The following PHACTR2 variants were observed in gnomAD, a reference collection of about 807,000 sequenced individuals.
PHACTR2 encodes the protein phosphatase and actin regulator 2.
In PHACTR2, 30 loss-of-function variants were observed where a neutral mutation model predicts 76.0. The ratio of observed to expected loss-of-function variants is 0.39; its 90% CI spans 0.30 to 0.54. PHACTR2 has a LOEUF of 0.54. PHACTR2 is among the 20% of genes least tolerant of loss of function. The pLI, the probability that PHACTR2 is intolerant of heterozygous loss-of-function variation, is 0.61. For synonymous variants in PHACTR2, 292 were observed against 292.5 expected (o/e 1.00, Z 0.02); for missense variants, 696 against 781.1 (o/e 0.89, Z 1.30).
rs1282482670 is a variant in PHACTR2, at chr6:143,742,277, A to G, written c.215-6708A>G. Reference sequence around the variant, plus strand: ...GGTTGGATCCAGGTGCTTACAAGCTATCTCATTAAGAACCTGTCTCGCTCC... The same window carrying G: ...GGTTGGATCCAGGTGCTTACAAGCTGTCTCATTAAGAACCTGTCTCGCTCC... On this transcript the variant is annotated intron_variant, in intron 2 of 12. Coordinates refer to ENST00000440869, the MANE Select transcript of PHACTR2 (RefSeq NM_001100164.2). This position sits in a 1 kb window ranked among gnomAD's most constrained non-coding sequence, Gnocchi z 4.5. Among the ~76,000 whole-genome samples, 3 of 152,146 alleles carry G rather than the reference A, an allele frequency of 2.0e-5. No homozygotes were observed. The highest frequency in any genetic ancestry group is 4.4e-5 in the Non-Finnish European group (3 of 68,036).
At position 143,707,738 on chromosome 6, in the gene PHACTR2, G is replaced by A. The variant is rs1454408537; in HGVS notation, c.47-4278G>A. Among the ~76,000 whole-genome samples the A allele has an allele frequency of 3.9e-5, 6 of 152,156 alleles. No homozygotes were observed. In the South Asian group the frequency reaches 6.2e-4, roughly 16 times the overall value. ...TTCATATGTATATTAGTCTGTTCTCGCACTGCTGTAAAGAAATACCAGAGA... is the reference window on the plus strand; with the variant it reads ...TTCATATGTATATTAGTCTGTTCTCACACTGCTGTAAAGAAATACCAGAGA... On this transcript the variant is annotated intron_variant, in intron 1 of 12. Transcript: ENST00000440869.
chr6:143,781,227 A>T (rs1043035345), intron 9 of PHACTR2, among the ~76,000 whole-genome samples: 1 of 152,220 alleles, frequency 6.6e-6, no homozygotes, highest in South Asian at 2.1e-4. Context: ...ACTTAAAGAA[A>T]TCAGTTTCTG....
In PHACTR2 at chr6:143,765,916, T is replaced by G; in HGVS notation, c.1232+118T>G. Reference sequence around the variant, plus strand: ...ATAATTTAATCTACTGAGTGTTAGGTAGGCATACATGTGATCCAACCATTG... The same window carrying G: ...ATAATTTAATCTACTGAGTGTTAGGGAGGCATACATGTGATCCAACCATTG... On this transcript the variant is annotated intron_variant, in intron 6 of 12. Coordinates refer to ENST00000440869, the MANE Select transcript of PHACTR2 (RefSeq NM_001100164.2). This position sits in a 1 kb window ranked among gnomAD's most constrained non-coding sequence, Gnocchi z 4.1. 1 of 822,412 alleles carries G rather than the reference T, an allele frequency of 1.2e-6. No individual in the cohort carries two copies. The highest frequency in any genetic ancestry group is 1.9e-6 in the Non-Finnish European group (1 of 531,620). The allele number at this position is 822,412 out of a possible 1,614,324, so 50.9% of individuals were successfully genotyped here.
chr6:143,785,508 A>G (rs1250777307), intron 10 of PHACTR2, among the ~76,000 whole-genome samples: 1 of 152,096 alleles, frequency 6.6e-6, no homozygotes, highest in Non-Finnish European at 1.5e-5. Context: ...TGGTGGATCT[A>G]CCATTCTGGG....
rs577641653 is a variant in PHACTR2, at chr6:143,540,667, G to A, written c.217+3460G>A. ...AGGGATTTTATTTAATTTGTGGCTT[G>A]AGGAATTTTTCACATAAGAATGCAA... On this transcript the variant is annotated intron_variant, in intron 1 of 11. Transcript: ENST00000367584. 4.0e-3 allele frequency among the ~76,000 whole-genome samples: 607 copies of A among 151,428 alleles called. 5 individuals carry two copies. The highest frequency in any genetic ancestry group is 6.0e-3 in the Non-Finnish European group (410 of 67,934).
intron 2 of PHACTR2, among the ~76,000 whole-genome samples, chr6:143,744,946 G>C (rs1481903343): frequency 6.6e-6 from 1 of 152,238 alleles, no homozygotes; most frequent in East Asian, 1.9e-4. Context: ...GTTTGATCTT[G>C]GTATAAAAAA....
chr6:143,770,928 T>G (rs1470753150), intron 6 of PHACTR2, among the ~76,000 whole-genome samples: 20 of 144,420 alleles, frequency 1.4e-4, no homozygotes, highest in African/African-American at 5.0e-4. Context: ...TTTCTTTCTT[T>G]TTTTTTTTTT....
chr6:143,761,753 C>CA lies in PHACTR2; in HGVS notation c.694+1125dup, dbSNP rs201523815. ...TGGGCGACAGAATGAGACTCCATCT[C>CA]AAAAAAAAAAAATCTATTTTCCTTA... On this transcript the variant is annotated intron_variant, in intron 5 of 12. Coordinates refer to ENST00000440869, the MANE Select transcript of PHACTR2 (RefSeq NM_001100164.2). The surrounding 1 kb of genome is among the most constrained non-coding windows in gnomAD (Gnocchi z 5.2). Among the ~76,000 whole-genome samples the CA allele has an allele frequency of 3.6e-3, 511 of 143,498 alleles. 9 individuals carry two copies. The East Asian group carries it at 0.044, about 12-fold the overall frequency. The allele number at this position is 143,498 out of a possible 152,430, so 94.1% of individuals were successfully genotyped here.
At chr6:143,643,238 T>C (rs978859060) in intron 1 of PHACTR2, among the ~76,000 whole-genome samples, 1 of 152,160 alleles carries the variant, frequency 6.6e-6, no homozygotes, top group African/African-American at 2.4e-5. Context: ...CCTGACTACT[T>C]GATTGGCTTC....
rs928756753 is a variant in PHACTR2, at chr6:143,543,149, CATG to C, written c.217+5956_217+5958del. On this transcript the variant is annotated intron_variant, in intron 1 of 11. Coordinates refer to the PHACTR2 transcript ENST00000367584. The surrounding 1 kb of genome is among the most constrained non-coding windows in gnomAD (Gnocchi z 4.7). ...GCCTTGCATCATGCTCAGTAAATAACATGATGATGATGATGACTGTTCTTGTTT... is the reference window on the plus strand; with the variant it reads ...GCCTTGCATCATGCTCAGTAAATAACATGATGATGATGACTGTTCTTGTTT... Among the ~76,000 whole-genome samples, 1 of 152,110 alleles carries C rather than the reference CATG, an allele frequency of 6.6e-6. No individual in the cohort carries two copies. Among genetic ancestry groups the C allele is most frequent in the Non-Finnish European group, 1.5e-5 (1 of 68,022 alleles).
rs1775921797 is a variant in PHACTR2 at position 143,608,466 on chromosome 6, A to C, written c.13+144A>C. ...AGACGCGTGTAATATGTGAACCCCG[A>C]TGCATTGTCCACAAGACAATTAGTG... On this transcript the variant is annotated intron_variant, in intron 1 of 11. Coordinates refer to the PHACTR2 transcript ENST00000305766. This position sits in a 1 kb window ranked among gnomAD's most constrained non-coding sequence, Gnocchi z 4.6. 1 of 782,138 alleles carries C rather than the reference A, an allele frequency of 1.3e-6. No homozygotes were observed. Among genetic ancestry groups the C allele is most frequent in the Non-Finnish European group, 2.2e-6 (1 of 452,980 alleles). The allele number at this position is 782,138 out of a possible 1,614,324, so 48.4% of individuals were successfully genotyped here.
At chr6:143,651,428 A>G (rs559288193) in intron 1 of PHACTR2, among the ~76,000 whole-genome samples, 2 of 152,342 alleles carry the variant, frequency 1.3e-5, no homozygotes, top group East Asian at 3.9e-4. Context: ...AAGCAAAGAC[A>G]TGGAATCAAC....
intron 1 of PHACTR2, among the ~76,000 whole-genome samples, chr6:143,560,410 T>C (rs1464649333): frequency 6.6e-6 from 1 of 152,202 alleles, no homozygotes; most frequent in Non-Finnish European, 1.5e-5. Context: ...GATTTACTGG[T>C]AGCAAGTTAA....
chr6:143,594,688 G>A (rs1255710331), intron 1 of PHACTR2, among the ~76,000 whole-genome samples: 3 of 152,240 alleles, frequency 2.0e-5, no homozygotes, highest in African/African-American at 7.2e-5. Flanking sequence ...GCAAGCCCAG[G>A]CTTCTGCCTC....
intron 5 of PHACTR2, among the ~76,000 whole-genome samples, chr6:143,762,307 C>T (rs1056152548): frequency 6.6e-6 from 1 of 152,138 alleles, no homozygotes; most frequent in Non-Finnish European, 1.5e-5. Context: ...AGAAGAAAGC[C>T]GATGATTAAC....
rs1582774418 is a variant in PHACTR2, at chr6:143,689,773, A to T, written c.46+11564A>T. ...AGTGGCCTGATTTCAGCTCACTGCA[A>T]CCTCCGGCTCCTGGGTTCAAGTGAT... On this transcript the variant is annotated intron_variant, in intron 1 of 12. Transcript: ENST00000440869. This position sits in a 1 kb window ranked among gnomAD's most constrained non-coding sequence, Gnocchi z 4.4. Among the ~76,000 whole-genome samples the T allele has an allele frequency of 6.6e-6, 1 of 150,698 alleles. No individual in the cohort carries two copies.
Position 143,760,659 on chromosome 6 carries a change from C to T in PHACTR2, c.694+19C>T. On this transcript the variant is annotated intron_variant, in intron 5 of 12. Coordinates refer to ENST00000440869, the MANE Select transcript of PHACTR2 (RefSeq NM_001100164.2). This position sits in a 1 kb window ranked among gnomAD's most constrained non-coding sequence, Gnocchi z 6.4. ...GAGGCTGGTGAGTATGCCCCCAGTG[C>T]CCTGTGGGGTCACTTCTAGGGTGCT... The T allele has an allele frequency of 6.2e-7, 1 of 1,612,834 alleles. No individual in the cohort carries two copies. Among genetic ancestry groups the T allele is most frequent in the East Asian group, 2.2e-5 (1 of 44,854 alleles).
rs1363155942 is a variant in PHACTR2 at position 143,543,551 on chromosome 6, T to C, written c.217+6344T>C. On this transcript the variant is annotated intron_variant, in intron 1 of 11. Coordinates refer to the PHACTR2 transcript ENST00000367584. The surrounding 1 kb of genome is among the most constrained non-coding windows in gnomAD (Gnocchi z 4.7). ...AATGGCTGTGGGGAGAAAATGCCTC[T>C]GGCAAGAGGTGAAACCTGGGCTATC... 6.6e-6 allele frequency among the ~76,000 whole-genome samples: 1 copy of C among 152,222 alleles called. No homozygotes were observed. The highest frequency in any genetic ancestry group is 1.5e-5 in the Non-Finnish European group (1 of 68,032).
chr6:143,727,540 T>C (rs1411998624), intron 2 of PHACTR2, among the ~76,000 whole-genome samples: 1 of 141,268 alleles, frequency 7.1e-6, no homozygotes, highest in Non-Finnish European at 1.5e-5. Context: ...ACCTCCATAC[T>C]GTTTTCTGTA....
Sources: allele counts gnomAD v4.1 joint callset (sites outside exome capture counted in the v4.1 genomes callset), GRCh38; gene constraint gnomAD v4.1.1; non-coding constraint Gnocchi (gnomAD v3.1); transcripts MANE v1.5; gene names NCBI Gene and HGNC (gene_info 2026-07-23, HGNC 2026-07-21).